Variants in SLC9C1 observed in about 807,000 individuals in gnomAD.
The protein encoded by SLC9C1 is sodium/hydrogen exchanger 10.
SLC9C1 carries 97 observed loss-of-function variants against 140.9 expected under a neutral mutation model. The observed-to-expected ratio is 0.69, with a 90% CI of 0.58 to 0.82. SLC9C1 has a LOEUF of 0.82. Ranked by LOEUF, SLC9C1 falls within the 40% of genes least tolerant of loss-of-function variation. The pLI is 0.00. For missense variants in SLC9C1, 1,340 were observed against 1,389.3 expected (o/e 0.96, Z 0.56); for synonymous variants, 440 against 442.6 (o/e 0.99, Z 0.07).
intron 1 of SLC9C1, among the ~76,000 whole-genome samples, chr3:112,291,852 G>A (rs1444978403): frequency 6.6e-6 from 1 of 152,144 alleles, no homozygotes; most frequent in Admixed American, 6.5e-5. Context: ...CAAAAGCAAA[G>A]TCATAGAATC....
chr3:112,226,204 C>A (rs2078678498), intron 13 of SLC9C1, among the ~76,000 whole-genome samples: 1 of 151,960 alleles, frequency 6.6e-6, no homozygotes, highest in Non-Finnish European at 1.5e-5. Context: ...TTTCTGACCA[C>A]AATGGAGTAA....
At position 112,231,425 on chromosome 3, in the gene SLC9C1, A is replaced by G. The variant is rs1294083627; in HGVS notation, c.1508T>C (p.Ile503Thr). 1.6e-5 allele frequency: 26 copies of G among 1,613,312 alleles called. No individual in the cohort carries two copies. Among genetic ancestry groups the G allele is most frequent in the Non-Finnish European group, 2.1e-5 (25 of 1,179,628 alleles). The change falls in exon 13 of 29, where the codon ATA becomes ACA. Residue 503 changes from isoleucine to threonine, a missense_variant. By Grantham distance (89) the Ile-to-Thr change is moderately conservative. Transcript: ENST00000305815. Reference protein sequence around the residue: ...KVKCPHCNKEIDEIFNTEAME... With the variant: ...KVKCPHCNKETDEIFNTEAME... ...TGCTTCAGTGTTAAAGATCTCATCT[A>G]TTTCCTTGTTACAGTGTGGACATTT...
chr3:112,176,149 G>C (rs2077332153), intron 23 of SLC9C1, among the ~76,000 whole-genome samples: 1 of 152,180 alleles, frequency 6.6e-6, no homozygotes, highest in African/African-American at 2.4e-5. Flanking sequence ...AACCCTAGTG[G>C]AGTGGGTCCT....
At chr3:112,177,717 T>G (rs1368991477) in intron 23 of SLC9C1, among the ~76,000 whole-genome samples, 1 of 146,798 alleles carries the variant, frequency 6.8e-6, no homozygotes, top group East Asian at 2.0e-4. Context: ...AAAAAATTTT[T>G]TTTCAAAAAA....
At chr3:112,254,514 A>ATT (rs1553699566) in intron 10 of SLC9C1, among the ~76,000 whole-genome samples, 4 of 97,862 alleles carry the variant, frequency 4.1e-5, no homozygotes, top group African/African-American at 6.4e-5. Flanking sequence ...CATGAAATAA[A>ATT]TTTTTTTTAT....
intron 15 of SLC9C1, among the ~76,000 whole-genome samples, chr3:112,213,778 TGTCAACATTG>T (rs1477985405): frequency 6.6e-6 from 1 of 152,140 alleles, no homozygotes; most frequent in East Asian, 1.9e-4. Context: ...AACACCCCAC[TGTCAACATTG>T]GACAGAACAA....
chr3:112,239,392 C>T (rs1445296760), intron 12 of SLC9C1, among the ~76,000 whole-genome samples: 1 of 152,242 alleles, frequency 6.6e-6, no homozygotes, highest in Non-Finnish European at 1.5e-5. Flanking sequence ...TCCCTGACCC[C>T]TTGCGCTTCC....
intron 15 of SLC9C1, among the ~76,000 whole-genome samples, chr3:112,211,432 G>T (rs1308764904): frequency 6.6e-6 from 1 of 152,254 alleles, no homozygotes; most frequent in Non-Finnish European, 1.5e-5. Context: ...GGAAGTGCAA[G>T]GGGTCGGGGG....
At chr3:112,199,500 A>T in intron 19 of SLC9C1, 31 bp from the exon 20 acceptor site, 1 of 1,504,146 alleles carries the variant, frequency 6.6e-7, no homozygotes. Context: ...TTTAGATTAA[A>T]TAAGAACATT....
At chr3:112,151,293 T>G in intron 28 of SLC9C1, 2 of 517,260 alleles carry the variant, frequency 3.9e-6, no homozygotes, top group South Asian at 2.8e-5. Flanking sequence ...TGTCGGACTG[T>G]CCTCCTCATT....
chr3:112,251,351 C>A (rs888409611), intron 10 of SLC9C1, among the ~76,000 whole-genome samples: 3 of 152,100 alleles, frequency 2.0e-5, no homozygotes, highest in African/African-American at 7.2e-5. Flanking sequence ...TCCCATGGAT[C>A]TTTGCAACCC....
chr3:112,281,699 A>G (rs2080361628), intron 2 of SLC9C1, among the ~76,000 whole-genome samples: 1 of 152,344 alleles, frequency 6.6e-6, no homozygotes, highest in East Asian at 1.9e-4. Context: ...GAAGATTTAT[A>G]TCATAAGGAT....
chr3:112,271,487 A>C (rs1011929485), intron 6 of SLC9C1, among the ~76,000 whole-genome samples: 2 of 150,478 alleles, frequency 1.3e-5, no homozygotes, highest in Non-Finnish European at 1.5e-5. Flanking sequence ...AAAATAGCTC[A>C]TTGTCTTTGG....
chr3:112,157,954 C>T (rs915594920), intron 26 of SLC9C1, among the ~76,000 whole-genome samples: 3 of 151,904 alleles, frequency 2.0e-5, no homozygotes, highest in Admixed American at 1.3e-4. Context: ...GCTATTATGT[C>T]ATCTGCAAAC....
chr3:112,201,812 ATTTCCTTTACTGTT>A (rs2077913510), intron 18 of SLC9C1, among the ~76,000 whole-genome samples: 2 of 151,734 alleles, frequency 1.3e-5, no homozygotes, highest in South Asian at 4.1e-4. Flanking sequence ...ACTTGTTTTT[ATTTCCTTTACTGTT>A]TAATGTGTAG....
Position 112,286,743 on chromosome 3 carries a change from C to T in SLC9C1, c.49G>A (p.Glu17Lys), listed in dbSNP as rs1454942742. ...ATCAAAGACAATGTTAGAATGACTTCAGGGAGGTCCTCAGTACTGAAAAAA... is the reference window on the plus strand; with the variant it reads ...ATCAAAGACAATGTTAGAATGACTTTAGGGAGGTCCTCAGTACTGAAAAAA... ...EFFFSTEDLPEVILTLSLISS... is the reference protein window; with the variant it reads ...EFFFSTEDLPKVILTLSLISS... Residue 17 changes from glutamate to lysine, a missense_variant, in exon 2 of 29, where the codon GAA (glutamate) becomes AAA (lysine). Coordinates refer to ENST00000305815, the MANE Select transcript of SLC9C1 (RefSeq NM_183061.3). 1 of 1,613,066 alleles carries T rather than the reference C, an allele frequency of 6.2e-7. No homozygotes were observed. Among genetic ancestry groups the T allele is most frequent in the South Asian group, 1.1e-5 (1 of 90,822 alleles).
At chr3:112,245,576 C>T (rs2079260580) in intron 10 of SLC9C1, among the ~76,000 whole-genome samples, 2 of 151,940 alleles carry the variant, frequency 1.3e-5, no homozygotes, top group African/African-American at 4.8e-5. Flanking sequence ...TATACTCCAT[C>T]TTTTTTTATT....
intron 13 of SLC9C1, among the ~76,000 whole-genome samples, chr3:112,225,910 A>G (rs2078670620): frequency 6.6e-6 from 1 of 152,224 alleles, no homozygotes; most frequent in Non-Finnish European, 1.5e-5. Context: ...GCACTCAGAC[A>G]CATAAGGCAA....
intron 12 of SLC9C1, among the ~76,000 whole-genome samples, chr3:112,237,122 G>C (rs2079009487): frequency 6.6e-6 from 1 of 152,162 alleles, no homozygotes; most frequent in Non-Finnish European, 1.5e-5. Context: ...AGGTCTCTAA[G>C]GAGTTGCTTT....
Sources: allele counts gnomAD v4.1 joint callset (sites outside exome capture counted in the v4.1 genomes callset), GRCh38; gene constraint gnomAD v4.1.1; transcripts MANE v1.5; gene names NCBI Gene and HGNC (gene_info 2026-07-23, HGNC 2026-07-21).